UIMC1: variants seen among roughly 807,000 people sequenced by gnomAD.
UIMC1 encodes the protein ubiquitin interaction motif containing 1, also known as BRCA1-A complex subunit RAP80.
In UIMC1, 42 loss-of-function variants were observed where a neutral mutation model predicts 84.9. The observed-to-expected ratio is 0.49, with a 90% confidence interval of 0.39 to 0.64. The LOEUF (loss-of-function observed/expected upper bound fraction) is 0.64. Ranked by LOEUF, UIMC1 falls within the 30% of genes least tolerant of loss-of-function variation. UIMC1 has a pLI of 0.00. For synonymous variants in UIMC1, 281 were observed against 293.0 expected (o/e 0.96, Z 0.42); for missense variants, 825 against 847.6 (o/e 0.97, Z 0.33).
At chr5:176,968,264 T>C (rs1768620174) in intron 6 of UIMC1, among the ~76,000 whole-genome samples, 1 of 151,702 alleles carries the variant, frequency 6.6e-6, no homozygotes, top group Non-Finnish European at 1.5e-5. Context: ...CCCAGCTACT[T>C]GGAAGGCTGA....
rs1764208461 is a variant in UIMC1, at chr5:176,939,912, AT to A, written c.1597+3422del. Among the ~76,000 whole-genome samples the A allele has an allele frequency of 2.0e-5, 3 of 152,338 alleles. No homozygotes were observed. The South Asian group carries it at 6.2e-4, about 32-fold the overall frequency. ...CGAGAATACAGGGACTTTCTATTAT[AT>A]CAAAAAGCACATTTACATCTATCAT... On this transcript the variant is annotated intron_variant, in intron 10 of 14. Transcript: ENST00000511320.
At chr5:176,998,262 G>A (rs928350911) in intron 1 of UIMC1, among the ~76,000 whole-genome samples, 10 of 151,822 alleles carry the variant, frequency 6.6e-5, no homozygotes, top group African/African-American at 2.2e-4. Flanking sequence ...TCAGGAGTTC[G>A]AGACCACCCT....
At chr5:176,999,832 G>A (rs1184995833) in intron 1 of UIMC1, among the ~76,000 whole-genome samples, 1 of 152,072 alleles carries the variant, frequency 6.6e-6, no homozygotes, top group East Asian at 1.9e-4. Flanking sequence ...TCCATATCTT[G>A]GCTATTGTAA....
intron 2 of UIMC1, among the ~76,000 whole-genome samples, chr5:176,976,384 T>C (rs1320527957): frequency 3.3e-5 from 5 of 152,100 alleles, no homozygotes; most frequent in Admixed American, 6.6e-5. Flanking sequence ...GATGAAGATA[T>C]AGAAATGTCC....
At chr5:177,005,216 G>A (rs892760840) in intron 1 of UIMC1, among the ~76,000 whole-genome samples, 2 of 151,940 alleles carry the variant, frequency 1.3e-5, no homozygotes, top group African/African-American at 4.8e-5. Context: ...TGAGACTATA[G>A]GCAGGCGCCA....
chr5:176,932,707 C>A (rs144176061), intron 10 of UIMC1, among the ~76,000 whole-genome samples: 1 of 152,274 alleles, frequency 6.6e-6, no homozygotes, highest in East Asian at 1.9e-4. Context: ...GAAGAAGGTA[C>A]CTTTTTAAAT....
chr5:176,951,174 A>T (rs1765838241), intron 9 of UIMC1, among the ~76,000 whole-genome samples: 1 of 152,232 alleles, frequency 6.6e-6, no homozygotes, highest in South Asian at 2.1e-4. Flanking sequence ...TGTTCAAATT[A>T]TATTTCTACC....
At chr5:176,995,537 CAAAAAA>C (rs57521139) in intron 1 of UIMC1, among the ~76,000 whole-genome samples, 3 of 36,562 alleles carry the variant, frequency 8.2e-5, no homozygotes, top group African/African-American at 2.1e-4. Context: ...ACTCTGTCTC[CAAAAAA>C]AAAAAAAAAA....
At chr5:176,983,362 G>T (rs901977005) in intron 1 of UIMC1, among the ~76,000 whole-genome samples, 41 of 151,140 alleles carry the variant, frequency 2.7e-4, no homozygotes, top group African/African-American at 1.0e-3. Context: ...GGCCTGCCAA[G>T]TGCCTGGGAT....
At chr5:176,987,079 G>T (rs912793831) in intron 1 of UIMC1, among the ~76,000 whole-genome samples, 1 of 151,678 alleles carries the variant, frequency 6.6e-6, no homozygotes, top group African/African-American at 2.4e-5. Flanking sequence ...AATTAGCCAG[G>T]CGTGGTGGCG....
upstream of UIMC1, among the ~76,000 whole-genome samples, chr5:177,009,255 C>T (rs1038933287): frequency 1.3e-5 from 2 of 151,780 alleles, no homozygotes; most frequent in African/African-American, 2.4e-5. The surrounding 1 kb of genome is among the most constrained non-coding windows in gnomAD (Gnocchi z 4.3). Flanking sequence ...GTGATCCTTC[C>T]GCCTCAGCCT....
chr5:177,001,658 G>A (rs576490436), intron 1 of UIMC1, among the ~76,000 whole-genome samples: 1 of 152,048 alleles, frequency 6.6e-6, no homozygotes, highest in South Asian at 2.1e-4. Flanking sequence ...TAAACTGAGG[G>A]CCAGGTGCAG....
intron 1 of UIMC1, among the ~76,000 whole-genome samples, chr5:177,014,496 A>G (rs1775631331): frequency 1.3e-5 from 2 of 152,132 alleles, no homozygotes; most frequent in African/African-American, 2.4e-5. Context: ...TTTCTGCACA[A>G]TATGTAATGC....
intron 10 of UIMC1, among the ~76,000 whole-genome samples, chr5:176,925,383 T>C (rs897680598): frequency 6.6e-6 from 1 of 152,200 alleles, no homozygotes; most frequent in Non-Finnish European, 1.5e-5. Flanking sequence ...AGAATGCTCA[T>C]AAACCGCTAG....
rs752967323 is a variant in UIMC1 at position 176,960,019 on chromosome 5, G to GAA, written c.1201-1867_1201-1866dup. ...GCACTCCAGCCTGGATGACAAGAGTGAAAACTCTGTCTCAAACAAACAAAA... is the reference window on the plus strand; with the variant it reads ...GCACTCCAGCCTGGATGACAAGAGTGAAAAAACTCTGTCTCAAACAAACAAAA... On this transcript the variant is annotated intron_variant, in intron 6 of 14. Transcript: ENST00000511320. 3.3e-5 allele frequency among the ~76,000 whole-genome samples: 5 copies of GAA among 152,308 alleles called. No homozygotes were observed. The East Asian group carries it at 9.7e-4, about 29-fold the overall frequency.
chr5:176,942,416 T>C (rs1764544725), intron 10 of UIMC1, among the ~76,000 whole-genome samples: 1 of 152,184 alleles, frequency 6.6e-6, no homozygotes, highest in East Asian at 1.9e-4. Context: ...CTAGCCTACC[T>C]ATGTAAAAGA....
At position 176,956,042 on chromosome 5, in the gene UIMC1, G is replaced by C; in HGVS notation, c.1263-7C>G. ...ACTGGTCAAAGCAGCAACACTGAAA[G>C]AGAACCAAATCCCAAATGAATTCCC... On this transcript the variant is annotated splice_polypyrimidine_tract_variant and splice_region_variant and intron_variant, in intron 7 of 14. Coordinates refer to ENST00000511320, the MANE Select transcript of UIMC1 (RefSeq NM_001199298.2). 2 of 1,612,652 alleles carry C rather than the reference G, an allele frequency of 1.2e-6. No homozygotes were observed. The highest frequency in any genetic ancestry group is 1.7e-6 in the Non-Finnish European group (2 of 1,179,404).
At chr5:176,985,266 G>A (rs1363799187) in intron 1 of UIMC1, among the ~76,000 whole-genome samples, 1 of 151,896 alleles carries the variant, frequency 6.6e-6, no homozygotes, top group African/African-American at 2.4e-5. Context: ...GACTATCCTG[G>A]CCAACATGGT....
At chr5:177,001,146 AGATTT>A (rs1774389601) in intron 1 of UIMC1, among the ~76,000 whole-genome samples, 1 of 152,198 alleles carries the variant, frequency 6.6e-6, no homozygotes, top group Admixed American at 6.5e-5. Flanking sequence ...TTGAGGTCTT[AGATTT>A]AATACATTTA....
Sources: allele counts gnomAD v4.1 joint callset (sites outside exome capture counted in the v4.1 genomes callset), GRCh38; gene constraint gnomAD v4.1.1; non-coding constraint Gnocchi (gnomAD v3.1); transcripts MANE v1.5; gene names NCBI Gene and HGNC (gene_info 2026-07-23, HGNC 2026-07-21).